The following RGS7 variants were observed in gnomAD, a reference collection of about 807,000 sequenced individuals.
RGS7 encodes regulator of G-protein signaling 7.
RGS7 carries 27 observed loss-of-function variants against 81.1 expected under a neutral mutation model. The ratio of observed to expected loss-of-function variants is 0.33; its 90% CI spans 0.25 to 0.46. The LOEUF is 0.46. RGS7 is among the 20% of genes least tolerant of loss of function. The pLI is 1.00. For missense variants in RGS7, 396 were observed against 607.4 expected, an observed-to-expected ratio of 0.65 and a Z score of 3.66; for synonymous variants, 208 against 207.7, an observed-to-expected ratio of 1.00 and a Z score of -0.01.
intron 2 of RGS7, among the ~76,000 whole-genome samples, chr1:241,261,325 A>G (rs2077322516): frequency 6.6e-6 from 1 of 152,086 alleles, no homozygotes; most frequent in South Asian, 2.1e-4. Flanking sequence ...CTCTAGTTTC[A>G]GCTCTTGCTA....
At chr1:240,877,437 T>C (rs1222080985) in intron 6 of RGS7, among the ~76,000 whole-genome samples, 2 of 151,808 alleles carry the variant, frequency 1.3e-5, no homozygotes, top group Non-Finnish European at 2.9e-5. Context: ...AATACACATA[T>C]GAATATCTGT....
At chr1:241,047,791 G>A (rs1359355520) in intron 3 of RGS7, among the ~76,000 whole-genome samples, 1 of 140,168 alleles carries the variant, frequency 7.1e-6, no homozygotes, top group Non-Finnish European at 1.5e-5. Context: ...CCAGGCTGGA[G>A]TGCAGTGGCG....
At chr1:240,887,227 T>G (rs1375956904) in intron 6 of RGS7, among the ~76,000 whole-genome samples, 1 of 47,270 alleles carries the variant, frequency 2.1e-5, no homozygotes, top group Non-Finnish European at 3.9e-5. Context: ...AGTATATAGG[T>G]TTTTTTTTTT....
intron 2 of RGS7, among the ~76,000 whole-genome samples, chr1:241,203,357 C>T (rs898533168): frequency 9.2e-5 from 14 of 152,100 alleles, no homozygotes; most frequent in Non-Finnish European, 1.9e-4. Context: ...CTCAGCCTCC[C>T]AAGTAGCTGG....
chr1:240,896,794 A>C (rs1027145177), intron 6 of RGS7, among the ~76,000 whole-genome samples: 3 of 152,170 alleles, frequency 2.0e-5, no homozygotes, highest in African/African-American at 7.2e-5. Context: ...TATGAACTTT[A>C]AAGTAGTTTT....
In RGS7 at chr1:241,315,107, C is replaced by CTTTTTTTTTTTTTTTTTTTTT. The variant is rs5782184; in HGVS notation, c.78+40571_78+40591dup. 3.3e-4 allele frequency among the ~76,000 whole-genome samples: 19 copies of CTTTTTTTTTTTTTTTTTTTTT among 57,434 alleles called. 3 individuals carry two copies. Among genetic ancestry groups the CTTTTTTTTTTTTTTTTTTTTT allele is most frequent in the East Asian group, 5.5e-4 (1 of 1,808 alleles). 37.7% of individuals were successfully genotyped at this position (57,434 alleles called of 152,430 possible). A position where few individuals can be genotyped will look rare whatever the true frequency, so the allele number is the denominator to read the frequency against. On this transcript the variant is annotated intron_variant, in intron 2 of 18. Coordinates refer to ENST00000440928, the MANE Select transcript of RGS7 (RefSeq NM_001364886.1). ...GAAGCTTTTTTTTTTTCTTCTTCTT[C>CTTTTTTTTTTTTTTTTTTTTT]TTTTTTTTTTTTTTTTTTTTTTTTT...
chr1:241,050,343 C>T (rs2061181450), intron 3 of RGS7, among the ~76,000 whole-genome samples: 1 of 151,966 alleles, frequency 6.6e-6, no homozygotes, highest in Admixed American at 6.6e-5. Flanking sequence ...GCTGGGCACA[C>T]AAGGAAAATC....
intron 6 of RGS7, among the ~76,000 whole-genome samples, chr1:240,893,374 C>G (rs1426616195): frequency 6.6e-6 from 1 of 152,104 alleles, no homozygotes; most frequent in Non-Finnish European, 1.5e-5. Flanking sequence ...TTAAGTAAAG[C>G]AGCAGGTGAG....
chr1:241,176,153 C>G (rs2071126004), intron 2 of RGS7, among the ~76,000 whole-genome samples: 1 of 152,102 alleles, frequency 6.6e-6, no homozygotes, highest in Non-Finnish European at 1.5e-5. Flanking sequence ...CTCCCAGGTC[C>G]CCTTTGTTAT....
chr1:240,957,217 C>G (rs527870099), intron 4 of RGS7, among the ~76,000 whole-genome samples: 6 of 152,274 alleles, frequency 3.9e-5, no homozygotes, highest in African/African-American at 1.4e-4. Context: ...CTTCCGGCCT[C>G]CATCTTTCTC....
At chr1:241,335,739 T>C (rs1182875581) in intron 2 of RGS7, among the ~76,000 whole-genome samples, 1 of 152,076 alleles carries the variant, frequency 6.6e-6, no homozygotes, top group Non-Finnish European at 1.5e-5. Context: ...ATGCTCTTCA[T>C]CAACCAGTTT....
chr1:240,994,076 C>A (rs1686919244), intron 3 of RGS7, among the ~76,000 whole-genome samples: 1 of 152,176 alleles, frequency 6.6e-6, no homozygotes, highest in Non-Finnish European at 1.5e-5. Context: ...CTGTTTACCA[C>A]AGTTATATAA....
chr1:241,210,975 A>G (rs2074209987), intron 2 of RGS7, among the ~76,000 whole-genome samples: 1 of 152,124 alleles, frequency 6.6e-6, no homozygotes, highest in South Asian at 2.1e-4. Context: ...CTGTACTTCT[A>G]AGTGTTTCCA....
intron 2 of RGS7, among the ~76,000 whole-genome samples, chr1:241,296,663 T>C (rs958009317): frequency 2.0e-5 from 3 of 152,222 alleles, no homozygotes; most frequent in African/African-American, 7.2e-5. Context: ...AGAGCAACTG[T>C]TGTACTTTAA....
At chr1:241,323,227 A>G (rs973450112) in intron 2 of RGS7, among the ~76,000 whole-genome samples, 6 of 152,380 alleles carry the variant, frequency 3.9e-5, no homozygotes, top group South Asian at 2.1e-4. Context: ...TTTTGTGGCT[A>G]TAAGTGCCAA....
intron 9 of RGS7, among the ~76,000 whole-genome samples, chr1:240,844,200 C>G (rs1488875070): frequency 6.6e-6 from 1 of 152,140 alleles, no homozygotes; most frequent in Admixed American, 6.6e-5. Flanking sequence ...ATTTAAACTA[C>G]TGGCAAACAG....
intron 3 of RGS7, among the ~76,000 whole-genome samples, chr1:241,089,072 T>C (rs2063698249): frequency 1.2e-5 from 1 of 84,860 alleles, no homozygotes; most frequent in Middle Eastern, 5.1e-3. Flanking sequence ...TCTATATATA[T>C]ATATATATAT....
intron 2 of RGS7, among the ~76,000 whole-genome samples, chr1:241,292,356 T>C (rs993775186): frequency 6.6e-6 from 1 of 152,170 alleles, no homozygotes; most frequent in African/African-American, 2.4e-5. Flanking sequence ...TTTATTCAAC[T>C]AGCAGCTTAG....
chr1:241,094,238 A>AACACACACACACAC (rs149481776), intron 3 of RGS7, among the ~76,000 whole-genome samples: 10 of 136,382 alleles, frequency 7.3e-5, no homozygotes, highest in African/African-American at 2.6e-4. Context: ...GACATACATA[A>AACACACACACACAC]ACACACACAC....
Sources: gnomAD v4.1 joint callset for allele counts (sites outside exome capture counted in the v4.1 genomes callset) on GRCh38, gnomAD v4.1.1 for gene constraint, MANE v1.5 for transcripts, NCBI Gene and HGNC (gene_info 2026-07-23, HGNC 2026-07-21) for gene names.